The following CMTM4 variants were observed in gnomAD, a reference collection of about 807,000 sequenced individuals.
CMTM4 encodes the protein CKLF-like MARVEL transmembrane domain-containing protein 4.
A neutral mutation model predicts 19.0 loss-of-function variants in CMTM4; 8 were observed. The ratio of observed to expected loss-of-function variants is 0.42; its 90% confidence interval spans 0.25 to 0.76. The LOEUF is 0.76. CMTM4 is among the 30% of genes least tolerant of loss of function. CMTM4 has a pLI of 0.27. For missense variants in CMTM4, 228 were observed against 290.2 expected, an observed-to-expected ratio of 0.79 and a Z score of 1.56; for synonymous variants, 106 against 121.1, an observed-to-expected ratio of 0.88 and a Z score of 0.82.
chr16:66,624,531 C>T lies in CMTM4; in HGVS notation c.364-1029G>A, dbSNP rs970956079. ...CCTGTAATCCCAGCACTTTGGGAGG[C>T]TGAGGCGGATGGATCACTTGAGGTC... On this transcript the variant is annotated intron_variant, in intron 2 of 3. Coordinates refer to ENST00000394106, the MANE Select transcript of CMTM4 (RefSeq NM_181521.3). 2.0e-5 allele frequency among the ~76,000 whole-genome samples: 3 copies of T among 152,328 alleles called. No individual in the cohort carries two copies. The Middle Eastern group carries it at 0.01, about 518-fold the overall frequency.
At chr16:66,609,650 G>A in the CMTM4 span, 30 of 1,519,658 alleles carry the variant, frequency 2.0e-5, no homozygotes, top group South Asian at 4.8e-5. The surrounding 1 kb of genome is among the most constrained non-coding windows in gnomAD (Gnocchi z 4.4). Context: ...TGTGGGTCCC[G>A]ATGATGATTC....
At chr16:66,651,337 G>C (rs2016307009) in intron 1 of CMTM4, among the ~76,000 whole-genome samples, 2 of 152,108 alleles carry the variant, frequency 1.3e-5, no homozygotes, top group African/African-American at 4.8e-5. Context: ...TAAGTTCCCA[G>C]GCCAGAAGCC....
At chr16:66,670,140 T>C (rs945060480) in intron 1 of CMTM4, among the ~76,000 whole-genome samples, 3 of 152,074 alleles carry the variant, frequency 2.0e-5, no homozygotes, top group African/African-American at 7.2e-5. Flanking sequence ...AGATCTTAGT[T>C]GTGTATTTAA....
chr16:66,672,783 GTT>G (rs1052636359), intron 1 of CMTM4, among the ~76,000 whole-genome samples: 3 of 122,376 alleles, frequency 2.5e-5, no homozygotes, highest in Non-Finnish European at 5.2e-5. Flanking sequence ...CTAGTTTTTT[GTT>G]TTGTTTTTTT....
intron 1 of CMTM4, among the ~76,000 whole-genome samples, chr16:66,666,934 A>C (rs893683439): frequency 2.0e-5 from 3 of 152,204 alleles, no homozygotes; most frequent in African/African-American, 7.2e-5. Context: ...GGAGGGAGTG[A>C]GGAATGGGTG....
the CMTM4 span, among the ~76,000 whole-genome samples, chr16:66,607,964 G>A: frequency 6.6e-6 from 1 of 151,956 alleles, no homozygotes; most frequent in Non-Finnish European, 1.5e-5. Flanking sequence ...TCCCACCTCA[G>A]CCTCCCAAGT....
intron 1 of CMTM4, among the ~76,000 whole-genome samples, chr16:66,691,727 T>A (rs935050070): frequency 6.6e-6 from 1 of 152,200 alleles, no homozygotes; most frequent in Non-Finnish European, 1.5e-5. Flanking sequence ...ATAAAATCTA[T>A]GCAACTGCAC....
intron 1 of CMTM4, among the ~76,000 whole-genome samples, chr16:66,680,773 CAAAAAAAAAAAAAA>C (rs35127974): frequency 1.2e-4 from 4 of 32,258 alleles, no homozygotes; most frequent in Non-Finnish European, 2.2e-4. Context: ...GACTCCGTCT[CAAAAAAAAAAAAAA>C]AAAAAAAAAA....
intron 1 of CMTM4, among the ~76,000 whole-genome samples, chr16:66,640,257 G>A (rs938496294): frequency 1.8e-4 from 27 of 152,174 alleles, no homozygotes; most frequent in Admixed American, 1.4e-3. Flanking sequence ...CTGAGATCGC[G>A]CCACTACACT....
At chr16:66,630,992 G>A (rs1157996369) in intron 2 of CMTM4, among the ~76,000 whole-genome samples, 3 of 149,950 alleles carry the variant, frequency 2.0e-5, no homozygotes, top group African/African-American at 4.9e-5. Context: ...CAGCTGCCCC[G>A]TCTGAGAAGT....
rs1279240291 is a variant in CMTM4, at chr16:66,666,656, T to C, written c.186+29684A>G. ...GCAAATAAGCACAAAATGCTTGATA[T>C]CATTAGCCATTTTAGGGAAATGCAA... On this transcript the variant is annotated intron_variant, in intron 1 of 3. Transcript: ENST00000394106. Among the ~76,000 whole-genome samples the C allele has an allele frequency of 2.0e-5, 3 of 152,300 alleles. No individual in the cohort carries two copies. In the East Asian group the frequency reaches 5.8e-4, roughly 29 times the overall value.
downstream of CMTM4, chr16:66,609,808 G>C (rs566439031): frequency 6.2e-7 from 1 of 1,613,980 alleles, no homozygotes; most frequent in Non-Finnish European, 8.5e-7. This position sits in a 1 kb window ranked among gnomAD's most constrained non-coding sequence, Gnocchi z 4.4. Flanking sequence ...TCTGAAATGG[G>C]CCGTGAGGCT....
intron 1 of CMTM4, among the ~76,000 whole-genome samples, chr16:66,687,208 T>G (rs1318933997): frequency 6.6e-6 from 1 of 151,366 alleles, no homozygotes; most frequent in African/African-American, 2.4e-5. Flanking sequence ...GTCCAAGTGG[T>G]CTGTATTATC....
At chr16:66,694,548 A>G (rs756418013) in intron 1 of CMTM4, among the ~76,000 whole-genome samples, 3 of 151,914 alleles carry the variant, frequency 2.0e-5, no homozygotes, top group African/African-American at 4.8e-5. Flanking sequence ...CCCCGTCTCT[A>G]CTAAAATTAC....
At position 66,633,236 on chromosome 16, in the gene CMTM4, A is replaced by T. The variant is rs1280654400; in HGVS notation, c.363+3169T>A. 5.9e-5 allele frequency among the ~76,000 whole-genome samples: 9 copies of T among 151,374 alleles called. No individual in the cohort carries two copies. In the South Asian group the frequency reaches 1.2e-3, roughly 21 times the overall value. ...AAATTCCATCAAATTATGCTTGTAG[A>T]AAATTATGCACTGTCCTCCTTATTT... On this transcript the variant is annotated intron_variant, in intron 2 of 3. Transcript: ENST00000394106.
chr16:66,610,579 C>A (rs2015339206), downstream of CMTM4, among the ~76,000 whole-genome samples: 1 of 152,180 alleles, frequency 6.6e-6, no homozygotes. The surrounding 1 kb of genome is among the most constrained non-coding windows in gnomAD (Gnocchi z 4.6). Context: ...GACACTAGAG[C>A]TGGGTACTGA....
At chr16:66,666,231 T>C (rs1307582781) in intron 1 of CMTM4, among the ~76,000 whole-genome samples, 2 of 152,062 alleles carry the variant, frequency 1.3e-5, no homozygotes, top group African/African-American at 4.8e-5. Flanking sequence ...GGCAGGCGGA[T>C]CACAAGGTCA....
Position 66,696,248 on chromosome 16 carries a change from G to A in CMTM4, c.186+92C>T, listed in dbSNP as rs2017232139. The A allele has an allele frequency of 2.1e-6, 2 of 948,982 alleles. No homozygotes were observed. The highest frequency in any genetic ancestry group is 1.7e-5 in the African/African-American group (1 of 57,596). 58.8% of individuals were successfully genotyped at this position (948,982 alleles called of 1,614,324 possible). On this transcript the variant is annotated intron_variant, in intron 1 of 3. Coordinates refer to ENST00000394106, the MANE Select transcript of CMTM4 (RefSeq NM_181521.3). The surrounding 1 kb of genome is among the most constrained non-coding windows in gnomAD (Gnocchi z 4.3). ...GAGGAGCGGGCTCCGGCCTGGGCAAGCGGGTACGCGGCGGAGGCCCCGCAG... is the reference window on the plus strand; with the variant it reads ...GAGGAGCGGGCTCCGGCCTGGGCAAACGGGTACGCGGCGGAGGCCCCGCAG...
intron 1 of CMTM4, among the ~76,000 whole-genome samples, chr16:66,658,946 C>T (rs909852305): frequency 6.6e-6 from 1 of 152,136 alleles, no homozygotes; most frequent in South Asian, 2.1e-4. Context: ...AGCTGCTCCA[C>T]CTGCTAGTGT....
Sources: allele counts gnomAD v4.1 joint callset (sites outside exome capture counted in the v4.1 genomes callset), GRCh38; gene constraint gnomAD v4.1.1; non-coding constraint Gnocchi (gnomAD v3.1); transcripts MANE v1.5; gene names NCBI Gene and HGNC (gene_info 2026-07-23, HGNC 2026-07-21).